Variants in CASZ1 observed in about 807,000 individuals in gnomAD.
CASZ1 encodes the protein zinc finger protein castor homolog 1.
Under a neutral mutation model 135.2 loss-of-function variants are expected in CASZ1, and 28 were observed. That is an observed-to-expected ratio of 0.21 (90% CI 0.15 to 0.28). The LOEUF (loss-of-function observed/expected upper bound fraction) is 0.28, where lower values mean the gene tolerates loss of function less well. Ranked by LOEUF, CASZ1 falls within the 10% of genes least tolerant of loss-of-function variation. CASZ1 has a pLI of 1.00. For synonymous variants in CASZ1, 1,068 were observed against 1,073.4 expected, an observed-to-expected ratio of 0.99 and a Z score of 0.10; for missense variants, 2,161 against 2,453.3, an observed-to-expected ratio of 0.88 and a Z score of 2.52.
At chr1:10,696,905 C>A (rs562228326) in intron 3 of CASZ1, among the ~76,000 whole-genome samples, 1 of 152,330 alleles carries the variant, frequency 6.6e-6, no homozygotes, top group Admixed American at 6.5e-5. Flanking sequence ...ATTGGCCACC[C>A]AGTAACTCGG....
intron 1 of CASZ1, among the ~76,000 whole-genome samples, chr1:10,789,282 G>A (rs1472799880): frequency 1.3e-5 from 2 of 150,738 alleles, no homozygotes; most frequent in South Asian, 2.1e-4. Context: ...GACATCTTGG[G>A]GTCCCCCCAC....
intron 1 of CASZ1, among the ~76,000 whole-genome samples, chr1:10,763,131 C>T (rs149472145): frequency 6.6e-6 from 1 of 152,354 alleles, no homozygotes; most frequent in African/African-American, 2.4e-5. Flanking sequence ...AACCAGGGCA[C>T]AGGCCGCGGG....
rs771538519 is a variant in CASZ1, at chr1:10,717,993, C to G, written c.-76-12449G>C. Among the ~76,000 whole-genome samples, 18 of 152,234 alleles carry G rather than the reference C, an allele frequency of 1.2e-4. No homozygotes were observed. The highest frequency in any genetic ancestry group is 2.5e-4 in the Non-Finnish European group (17 of 68,034). ...GCCGAGGGGGCTACGGAGGCCCATT[C>G]AACACTGGGCAGACACACTCAGCAA... On this transcript the variant is annotated intron_variant, in intron 2 of 20. Coordinates refer to ENST00000377022, the MANE Select transcript of CASZ1 (RefSeq NM_001079843.3). The surrounding 1 kb of genome is among the most constrained non-coding windows in gnomAD (Gnocchi z 4.6).
intron 4 of CASZ1, among the ~76,000 whole-genome samples, chr1:10,689,097 TG>T (rs1307346102): frequency 6.6e-6 from 1 of 150,872 alleles, no homozygotes; most frequent in Non-Finnish European, 1.5e-5. Context: ...CCTGGGGGCA[TG>T]GGGGGTGGGC....
chr1:10,698,674 A>G (rs1638995111), intron 3 of CASZ1, among the ~76,000 whole-genome samples: 1 of 152,302 alleles, frequency 6.6e-6, no homozygotes, highest in African/African-American at 2.4e-5. Context: ...GATGAAGCCA[A>G]GGGGCCAAGG....
intron 4 of CASZ1, among the ~76,000 whole-genome samples, chr1:10,681,318 C>T (rs926964915): frequency 3.3e-5 from 5 of 152,162 alleles, no homozygotes; most frequent in African/African-American, 9.6e-5. Context: ...AGAGCATGTA[C>T]GGGGTCAGTC....
chr1:10,761,917 G>A (rs1454480209), intron 1 of CASZ1, among the ~76,000 whole-genome samples: 1 of 152,074 alleles, frequency 6.6e-6, no homozygotes, highest in African/African-American at 2.4e-5. Context: ...CTGAAATCCC[G>A]GCCCTTTCCT....
At chr1:10,669,323 C>T (rs2100309744) in intron 4 of CASZ1, among the ~76,000 whole-genome samples, 1 of 152,344 alleles carries the variant, frequency 6.6e-6, no homozygotes, top group South Asian at 2.1e-4. Context: ...GGACTCCTTC[C>T]CCTGCCCCGT....
chr1:10,746,720 A>G (rs184449270), intron 2 of CASZ1, among the ~76,000 whole-genome samples: 11 of 152,350 alleles, frequency 7.2e-5, no homozygotes, highest in South Asian at 2.1e-4. Flanking sequence ...TGTTGGGGCC[A>G]CCACAGGGCA....
intron 12 of CASZ1, 67 bp downstream of exon 12, chr1:10,650,874 C>A: frequency 2.5e-6 from 4 of 1,606,258 alleles, no homozygotes; most frequent in Non-Finnish European, 3.4e-6. Context: ...CTGGGCGGGA[C>A]CACCCCGGGG....
intron 2 of CASZ1, among the ~76,000 whole-genome samples, chr1:10,734,066 C>T (rs181239800): frequency 2.5e-4 from 38 of 152,292 alleles, no homozygotes; most frequent in African/African-American, 8.7e-4. Context: ...CCAGGAGGAG[C>T]GCTGGTACAT....
intron 4 of CASZ1, among the ~76,000 whole-genome samples, chr1:10,681,679 A>G (rs1237832993): frequency 6.6e-6 from 1 of 152,264 alleles, no homozygotes; most frequent in African/African-American, 2.4e-5. Flanking sequence ...GTCTGGCCCA[A>G]CAAATATTGA....
Position 10,647,084 on chromosome 1 carries a change from G to T in CASZ1, c.3497+717C>A. 3.7e-6 allele frequency: 1 copy of T among 267,468 alleles called. No individual in the cohort carries two copies. The highest frequency in any genetic ancestry group is 5.7e-6 in the Non-Finnish European group (1 of 174,460). 16.6% of individuals were successfully genotyped at this position (267,468 alleles called of 1,614,324 possible). ...TGACCAGGCCAGGGAAACCTGAGCTGCTACTCTGGGGAGGAGGAGGGGGAG... is the reference window on the plus strand; with the variant it reads ...TGACCAGGCCAGGGAAACCTGAGCTTCTACTCTGGGGAGGAGGAGGGGGAG... On this transcript the variant is annotated intron_variant, in intron 16 of 20. Transcript: ENST00000377022. The surrounding 1 kb of genome is among the most constrained non-coding windows in gnomAD (Gnocchi z 4.9).
chr1:10,749,086 G>C (rs564404555), intron 2 of CASZ1, among the ~76,000 whole-genome samples: 3 of 152,112 alleles, frequency 2.0e-5, no homozygotes, highest in South Asian at 2.1e-4. Context: ...GAAGCAGTCC[G>C]GGGCCCTGCA....
chr1:10,715,486 A>G (rs1639360810), intron 2 of CASZ1, among the ~76,000 whole-genome samples: 1 of 151,414 alleles, frequency 6.6e-6, no homozygotes, highest in African/African-American at 2.4e-5. Context: ...ACAGCACCCA[A>G]TCCTCTCCCC....
chr1:10,743,014 C>T (rs752299990), intron 2 of CASZ1, among the ~76,000 whole-genome samples: 2 of 152,096 alleles, frequency 1.3e-5, no homozygotes, highest in Non-Finnish European at 2.9e-5. Flanking sequence ...AGCCTCTGAG[C>T]AAGAAGCCTG....
rs868538024 is a variant in CASZ1 at position 10,774,661 on chromosome 1, C to T, written c.-233-13804G>A. ...GCCCCACTGCTGGAGACTGGCCTGACTCTTGGGTATCTCCCACCACCTGAG... is the reference window on the plus strand; with the variant it reads ...GCCCCACTGCTGGAGACTGGCCTGATTCTTGGGTATCTCCCACCACCTGAG... On this transcript the variant is annotated intron_variant, in intron 1 of 20. Transcript: ENST00000377022. This position sits in a 1 kb window ranked among gnomAD's most constrained non-coding sequence, Gnocchi z 4.4. 6.6e-6 allele frequency among the ~76,000 whole-genome samples: 1 copy of T among 152,134 alleles called. No homozygotes were observed. The highest frequency in any genetic ancestry group is 2.4e-5 in the African/African-American group (1 of 41,416).
chr1:10,642,926 G>A lies in CASZ1; in HGVS notation c.4095C>T (p.Ser1365=). Residue 1365 remains serine (S), a synonymous_variant, in exon 20 of 21, where the codon TCC becomes TCT. Transcript: ENST00000377022. ...DYTGCSPGAM[S]SESSTMDRSC... ...TCCGGTCCATGGTGGATGACTCAGA[G>A]GACATGGCGCCTGGGCTGCAGCCAG... is the stretch of plus-strand genomic sequence containing the variant. The A allele has an allele frequency of 6.2e-7, 1 of 1,613,076 alleles. No homozygotes were observed. The highest frequency in any genetic ancestry group is 8.5e-7 in the Non-Finnish European group (1 of 1,179,986).
chr1:10,762,188 CCTCGGCTGG>C lies in CASZ1; in HGVS notation c.-233-1340_-233-1332del, dbSNP rs1640391350. Among the ~76,000 whole-genome samples, 1 of 151,238 alleles carries C rather than the reference CCTCGGCTGG, an allele frequency of 6.6e-6. No homozygotes were observed. ...GAGCTTCAGCATCAGCTCTGCCCTA[CCTCGGCTGG>C]GGCAATGCCACCGAGACCAGCTCCC... On this transcript the variant is annotated intron_variant, in intron 1 of 20. Transcript: ENST00000377022. This position sits in a 1 kb window ranked among gnomAD's most constrained non-coding sequence, Gnocchi z 4.1.
Sources: gnomAD v4.1 joint callset for allele counts (sites outside exome capture counted in the v4.1 genomes callset) on GRCh38, gnomAD v4.1.1 for gene constraint, Gnocchi (gnomAD v3.1) non-coding constraint, MANE v1.5 for transcripts, NCBI Gene and HGNC (gene_info 2026-07-23, HGNC 2026-07-21) for gene names.